NTM: variants seen among roughly 807,000 people sequenced by gnomAD.
NTM encodes IgLON family member 2.
In NTM, 13 loss-of-function variants were observed where a neutral mutation model predicts 42.1. The ratio of observed to expected loss-of-function variants is 0.31; its 90% CI spans 0.20 to 0.49. NTM has a LOEUF of 0.49. Ranked by LOEUF, NTM falls within the 20% of genes least tolerant of loss-of-function variation. The pLI, the probability that NTM is intolerant of heterozygous loss-of-function variation, is 0.99. For synonymous variants in NTM, 187 were observed against 179.2 expected (o/e 1.04, Z -0.35); for missense variants, 373 against 452.8 (o/e 0.82, Z 1.60).
At chr11:132,299,440 C>G (rs2094756262) in intron 4 of NTM, among the ~76,000 whole-genome samples, 1 of 152,172 alleles carries the variant, frequency 6.6e-6, no homozygotes, top group African/African-American at 2.4e-5. Flanking sequence ...CAGGAAGAAG[C>G]AGTTTCTGTG....
At chr11:131,572,933 G>A (rs763242942) in intron 1 of NTM, among the ~76,000 whole-genome samples, 13 of 152,140 alleles carry the variant, frequency 8.5e-5, no homozygotes, top group Non-Finnish European at 1.5e-4. Context: ...CCATGTCGCC[G>A]TCACCTCTTG....
chr11:131,924,352 T>A (rs975887851), intron 2 of NTM, among the ~76,000 whole-genome samples: 10 of 152,188 alleles, frequency 6.6e-5, no homozygotes, highest in African/African-American at 2.2e-4. Flanking sequence ...AGGCTTCAGG[T>A]TCACTCTGTG....
rs118020930 is a variant in NTM at position 132,248,686 on chromosome 11, C to T, written c.526+36539C>T. Among the ~76,000 whole-genome samples, 263 of 152,312 alleles carry T rather than the reference C, an allele frequency of 1.7e-3. 2 individuals carry two copies. The East Asian group carries it at 0.021, about 12-fold the overall frequency. On this transcript the variant is annotated intron_variant, in intron 4 of 8. Transcript: ENST00000683400. ...ATCAAGCTGGTGGCTGTCAGTGGTC[C>T]ACCACGCATCAGGTCTAAATAAAGC...
At chr11:131,855,402 T>C (rs2045990559) in intron 1 of NTM, among the ~76,000 whole-genome samples, 1 of 152,182 alleles carries the variant, frequency 6.6e-6, no homozygotes, top group Non-Finnish European at 1.5e-5. Flanking sequence ...ACTGAAAACC[T>C]TTGTGGATAA....
intron 2 of NTM, among the ~76,000 whole-genome samples, chr11:131,997,329 CTG>C (rs2068246003): frequency 1.3e-5 from 2 of 152,226 alleles, no homozygotes; most frequent in African/African-American, 4.8e-5. Context: ...TCCTGTTCCT[CTG>C]TCTATGACTT....
intron 1 of NTM, among the ~76,000 whole-genome samples, chr11:131,904,981 T>C (rs1461648587): frequency 1.3e-5 from 2 of 152,186 alleles, no homozygotes; most frequent in African/African-American, 4.8e-5. Flanking sequence ...TCCCAGGGCC[T>C]GCACTCAGCA....
At chr11:131,706,741 T>TCAC (rs2076629839) in intron 1 of NTM, among the ~76,000 whole-genome samples, 1 of 152,002 alleles carries the variant, frequency 6.6e-6, no homozygotes, top group Non-Finnish European at 1.5e-5. Flanking sequence ...AATTAATGTG[T>TCAC]CAAGGAAGAA....
intron 1 of NTM, among the ~76,000 whole-genome samples, chr11:131,591,364 G>T (rs2059352424): frequency 6.6e-6 from 1 of 152,198 alleles, no homozygotes; most frequent in Non-Finnish European, 1.5e-5. Flanking sequence ...TGCTGGGGAG[G>T]GACGAAGCCT....
At chr11:132,278,951 A>G (rs2093853841) in intron 4 of NTM, among the ~76,000 whole-genome samples, 1 of 152,060 alleles carries the variant, frequency 6.6e-6, no homozygotes, top group African/African-American at 2.4e-5. Flanking sequence ...CTCAGTCTTC[A>G]CTCCTGAGAG....
At position 131,726,708 on chromosome 11, in the gene NTM, C is replaced by T. The variant is rs973461844; in HGVS notation, c.83-184856C>T. ...TTCCAAGAACCCAGTCACCCCATTGCTCTTTTTTGTTTGTTTTGTTTTTGA... is the reference window on the plus strand; with the variant it reads ...TTCCAAGAACCCAGTCACCCCATTGTTCTTTTTTGTTTGTTTTGTTTTTGA... On this transcript the variant is annotated intron_variant, in intron 1 of 8. Transcript: ENST00000683400. Among the ~76,000 whole-genome samples the T allele has an allele frequency of 9.9e-5, 15 of 151,120 alleles. 2 individuals are homozygous for T. The highest frequency in any genetic ancestry group is 3.2e-4 in the African/African-American group (13 of 40,430).
chr11:132,230,125 AAG>A (rs1174177219), intron 4 of NTM, among the ~76,000 whole-genome samples: 2 of 152,236 alleles, frequency 1.3e-5, no homozygotes, highest in Non-Finnish European at 2.9e-5. Flanking sequence ...TACAGCTTTT[AAG>A]AGAGAGGAAG....
At chr11:131,668,058 G>T (rs944974479) in intron 1 of NTM, among the ~76,000 whole-genome samples, 1 of 152,312 alleles carries the variant, frequency 6.6e-6, no homozygotes, top group South Asian at 2.1e-4. Flanking sequence ...TGGTTGAGAA[G>T]CTGCAGCCAG....
intron 1 of NTM, chr11:131,535,763 G>A (rs2052082845): frequency 6.6e-6 from 1 of 152,178 alleles, no homozygotes; most frequent in Non-Finnish European, 1.5e-5. Context: ...CAAAGAAAGG[G>A]CCTGGTCGAA....
At chr11:131,903,812 C>G (rs1010356332) in intron 1 of NTM, among the ~76,000 whole-genome samples, 1 of 152,126 alleles carries the variant, frequency 6.6e-6, no homozygotes, top group African/African-American at 2.4e-5. Context: ...AATTCCAGAC[C>G]CTGGATCCCA....
chr11:132,275,984 C>T (rs1003748047), intron 4 of NTM, among the ~76,000 whole-genome samples: 4 of 151,812 alleles, frequency 2.6e-5, no homozygotes, highest in Admixed American at 2.6e-4. Context: ...TCTCCCCATC[C>T]TCGCCTCCTG....
chr11:131,453,514 C>T (rs1011189628), intron 1 of NTM, among the ~76,000 whole-genome samples: 1 of 150,630 alleles, frequency 6.6e-6, no homozygotes, highest in African/African-American at 2.5e-5. Context: ...GACTACAAAG[C>T]GACAAGTACA....
chr11:131,966,131 A>G (rs1163264538), intron 2 of NTM, among the ~76,000 whole-genome samples: 1 of 152,220 alleles, frequency 6.6e-6, no homozygotes, highest in Non-Finnish European at 1.5e-5. Flanking sequence ...TGATAAAAAA[A>G]TGACAAAAAT....
At chr11:131,921,295 G>C (rs1366536813) in intron 2 of NTM, among the ~76,000 whole-genome samples, 2 of 152,046 alleles carry the variant, frequency 1.3e-5, no homozygotes, top group Admixed American at 1.3e-4. Context: ...CTGGTAAAAA[G>C]ATGCCTATGT....
chr11:131,555,914 T>C (rs540881956), intron 1 of NTM, among the ~76,000 whole-genome samples: 3 of 152,194 alleles, frequency 2.0e-5, no homozygotes, highest in African/African-American at 7.2e-5. Flanking sequence ...ATGGGCCCCA[T>C]GGGTGGCAAA....
Sources: allele counts gnomAD v4.1 joint callset (sites outside exome capture counted in the v4.1 genomes callset), GRCh38; gene constraint gnomAD v4.1.1; transcripts MANE v1.5; gene names NCBI Gene and HGNC (gene_info 2026-07-23, HGNC 2026-07-21).